KIAA1217: variants seen among roughly 807,000 people sequenced by gnomAD.
The protein encoded by KIAA1217 is sickle tail protein homolog.
Under a neutral mutation model 163.9 loss-of-function variants are expected in KIAA1217, and 88 were observed. The ratio of observed to expected loss-of-function variants is 0.54; its 90% confidence interval spans 0.45 to 0.64. The LOEUF (loss-of-function observed/expected upper bound fraction) is 0.64, where lower values mean the gene tolerates loss of function less well. KIAA1217 is among the 30% of genes least tolerant of loss of function. The pLI is 0.00. For synonymous variants in KIAA1217, 903 were observed against 923.1 expected, an observed-to-expected ratio of 0.98 and a Z score of 0.39; for missense variants, 2,372 against 2,475.0, an observed-to-expected ratio of 0.96 and a Z score of 0.88.
At chr10:24,339,705 G>A (rs999215951) in intron 2 of KIAA1217, among the ~76,000 whole-genome samples, 1 of 152,186 alleles carries the variant, frequency 6.6e-6, no homozygotes, top group African/African-American at 2.4e-5. Flanking sequence ...AACTCAATGA[G>A]GATAGCACAT....
intron 2 of KIAA1217, among the ~76,000 whole-genome samples, chr10:24,359,773 G>C (rs897284704): frequency 6.6e-6 from 1 of 151,968 alleles, no homozygotes; most frequent in Non-Finnish European, 1.5e-5. Flanking sequence ...GTTAAATGTT[G>C]CTGCTTTTTA....
At position 24,419,867 on chromosome 10, in the gene KIAA1217, G is replaced by A. The variant is rs117816422; in HGVS notation, c.554-13128G>A. On this transcript the variant is annotated intron_variant, in intron 3 of 20. Coordinates refer to ENST00000376454, the MANE Select transcript of KIAA1217 (RefSeq NM_019590.5). ...TTACTTAAATAGGATCATACTGCAC[G>A]TATCCTTTTATAAGTTTCGGTGTTC... Among the ~76,000 whole-genome samples the A allele has an allele frequency of 1.8e-4, 27 of 152,032 alleles. No homozygotes were observed. In the East Asian group the frequency reaches 4.4e-3, roughly 25 times the overall value.
At chr10:23,954,921 G>A (rs7904020) in intron 1 of KIAA1217, among the ~76,000 whole-genome samples, 58,278 of 151,908 alleles carry the variant, frequency 0.38, 12,808 homozygotes, top group African/African-American at 0.6. Flanking sequence ...CCAAGAAAGA[G>A]CTGAGTTTGA....
At chr10:23,920,125 T>G (rs1274760308) in intron 1 of KIAA1217, among the ~76,000 whole-genome samples, 1 of 152,234 alleles carries the variant, frequency 6.6e-6, no homozygotes, top group Admixed American at 6.5e-5. Context: ...GCTTTGACCC[T>G]CTTCTGCAAC....
chr10:24,359,082 C>CTTTTTTTTTTTTTTTTT (rs202024336), intron 2 of KIAA1217, among the ~76,000 whole-genome samples: 7 of 81,530 alleles, frequency 8.6e-5, no homozygotes, highest in Non-Finnish European at 1.4e-4. Flanking sequence ...TTCTTTCTTT[C>CTTTTTTTTTTTTTTTTT]TTTTTTTTTT....
intron 1 of KIAA1217, among the ~76,000 whole-genome samples, chr10:23,704,172 G>GTGTGTGTGTGTATATATATATA (rs1229370789): frequency 7.5e-5 from 3 of 39,942 alleles, no homozygotes; most frequent in East Asian, 7.5e-4. Flanking sequence ...GTGTGTGTGT[G>GTGTGTGTGTGTATATATATATA]TATATATATA....
chr10:23,756,385 G>A (rs565862752), intron 1 of KIAA1217, among the ~76,000 whole-genome samples: 23 of 152,184 alleles, frequency 1.5e-4, no homozygotes, highest in Admixed American at 1.3e-3. Flanking sequence ...TGAGTTTCAT[G>A]CCCACATGAA....
At chr10:24,138,311 C>G (rs971597811) in intron 2 of KIAA1217, among the ~76,000 whole-genome samples, 1 of 152,134 alleles carries the variant, frequency 6.6e-6, no homozygotes, top group Non-Finnish European at 1.5e-5. Flanking sequence ...CACACCACCA[C>G]ACCTGGGTGG....
intron 2 of KIAA1217, among the ~76,000 whole-genome samples, chr10:24,227,734 G>A (rs4748931): frequency 0.22 from 33,888 of 151,506 alleles, 3,859 homozygotes; most frequent in South Asian, 0.34. Flanking sequence ...GGGTTTCACC[G>A]TGTTAGTCAG....
chr10:24,134,989 G>A (rs1354076286), intron 2 of KIAA1217, among the ~76,000 whole-genome samples: 1 of 152,210 alleles, frequency 6.6e-6, no homozygotes, highest in Non-Finnish European at 1.5e-5. Flanking sequence ...TGTGCTTGAA[G>A]GTAGTACCCT....
intron 2 of KIAA1217, among the ~76,000 whole-genome samples, chr10:24,029,710 T>C (rs934036610): frequency 6.6e-6 from 1 of 152,176 alleles, no homozygotes; most frequent in South Asian, 2.1e-4. Context: ...AGAAGACAAG[T>C]TCTGAAAAGA....
intron 1 of KIAA1217, among the ~76,000 whole-genome samples, chr10:23,928,007 C>T (rs1843099539): frequency 6.6e-6 from 1 of 152,206 alleles, no homozygotes. Context: ...ACCCAGCAGA[C>T]CAGCATCATG....
chr10:24,410,296 T>G (rs1337678010), intron 3 of KIAA1217, among the ~76,000 whole-genome samples: 2 of 152,192 alleles, frequency 1.3e-5, no homozygotes, highest in Admixed American at 6.6e-5. Flanking sequence ...ATGCCTGGCC[T>G]ATACCACAGT....
intron 3 of KIAA1217, 98 bp from the exon 4 acceptor site, chr10:24,432,897 G>C: frequency 1.1e-6 from 1 of 888,364 alleles, no homozygotes; most frequent in Non-Finnish European, 1.8e-6. Flanking sequence ...AGCTTGTCCT[G>C]AACGTTCCTA....
At chr10:24,276,469 A>G (rs1258634548) in intron 2 of KIAA1217, among the ~76,000 whole-genome samples, 1 of 152,214 alleles carries the variant, frequency 6.6e-6, no homozygotes, top group African/African-American at 2.4e-5. Context: ...TTTAAGAGAC[A>G]GGGTCTCGCT....
chr10:23,830,353 G>T (rs1838120759), intron 1 of KIAA1217, among the ~76,000 whole-genome samples: 1 of 152,082 alleles, frequency 6.6e-6, no homozygotes, highest in Non-Finnish European at 1.5e-5. Context: ...TAATTACATG[G>T]CTGCTTAAAA....
intron 2 of KIAA1217, among the ~76,000 whole-genome samples, chr10:24,035,629 G>A (rs1848363089): frequency 1.3e-5 from 2 of 152,176 alleles, no homozygotes; most frequent in African/African-American, 4.8e-5. Flanking sequence ...GCACAGTGAG[G>A]TGGTCACGTG....
At chr10:24,036,222 A>T (rs1848392749) in intron 2 of KIAA1217, among the ~76,000 whole-genome samples, 1 of 152,224 alleles carries the variant, frequency 6.6e-6, no homozygotes, top group Non-Finnish European at 1.5e-5. Flanking sequence ...AAGAGAGTTC[A>T]TGGGAAGGGC....
At chr10:24,513,786 T>TAAAAAAAA (rs10711541) in intron 10 of KIAA1217, among the ~76,000 whole-genome samples, 1 of 140,744 alleles carries the variant, frequency 7.1e-6, no homozygotes, top group Non-Finnish European at 1.5e-5. Context: ...TCCTGTCTCT[T>TAAAAAAAA]AAAAAAAAAA....
Sources: allele counts gnomAD v4.1 joint callset (sites outside exome capture counted in the v4.1 genomes callset), GRCh38; gene constraint gnomAD v4.1.1; transcripts MANE v1.5; gene names NCBI Gene and HGNC (gene_info 2026-07-23, HGNC 2026-07-21).